Variants in CNTN1 observed in about 807,000 individuals in gnomAD.
The protein encoded by CNTN1 is contactin 1.
In CNTN1, 38 loss-of-function variants were observed where a neutral mutation model predicts 126.4. The observed-to-expected ratio is 0.30, with a 90% confidence interval of 0.23 to 0.39. The LOEUF (loss-of-function observed/expected upper bound fraction) is 0.39. CNTN1 is among the 10% of genes least tolerant of loss of function. CNTN1 has a pLI of 1.00. For synonymous variants in CNTN1, 413 were observed against 422.6 expected (o/e 0.98, Z 0.28); for missense variants, 1,009 against 1,248.4 (o/e 0.81, Z 2.89).
At chr12:40,888,607 A>C (rs1171066915) in intron 1 of CNTN1, among the ~76,000 whole-genome samples, 1 of 149,524 alleles carries the variant, frequency 6.7e-6, no homozygotes, top group Non-Finnish European at 1.5e-5. Flanking sequence ...AAATGTGATT[A>C]ACAACAACAA....
chr12:40,973,987 A>G (rs189924053), intron 15 of CNTN1, among the ~76,000 whole-genome samples: 3 of 152,278 alleles, frequency 2.0e-5, no homozygotes, highest in East Asian at 1.9e-4. Context: ...GAAAATTTAT[A>G]TATTGTTTTC....
chr12:40,731,186 G>T (rs1942490873), intron 1 of CNTN1, among the ~76,000 whole-genome samples: 1 of 151,850 alleles, frequency 6.6e-6, no homozygotes, highest in Non-Finnish European at 1.5e-5. Flanking sequence ...ACCAATCCTT[G>T]GCAAGACATA....
chr12:40,907,969 A>G (rs985156182), intron 1 of CNTN1, among the ~76,000 whole-genome samples: 6 of 152,208 alleles, frequency 3.9e-5, no homozygotes. Context: ...TGTAACCTTC[A>G]ATTAAAGTGA....
chr12:41,057,669 G>A (rs1207862123), intron 23 of CNTN1, among the ~76,000 whole-genome samples: 1 of 152,100 alleles, frequency 6.6e-6, no homozygotes, highest in Non-Finnish European at 1.5e-5. Context: ...TAAAGGTAGA[G>A]AGGTATGATT....
intron 1 of CNTN1, among the ~76,000 whole-genome samples, chr12:40,703,913 C>T (rs575267967): frequency 3.6e-4 from 54 of 152,076 alleles, no homozygotes; most frequent in African/African-American, 1.2e-3. Context: ...GTCTTCTAAA[C>T]TAAGTGTGTA....
chr12:40,904,008 C>CT (rs1944707758), intron 1 of CNTN1, among the ~76,000 whole-genome samples: 1 of 152,128 alleles, frequency 6.6e-6, no homozygotes, highest in Admixed American at 6.5e-5. Flanking sequence ...TTCTTTCCTT[C>CT]TTTCTTTCTC....
At chr12:40,820,077 C>T (rs1232409397) in intron 1 of CNTN1, among the ~76,000 whole-genome samples, 1 of 152,172 alleles carries the variant, frequency 6.6e-6, no homozygotes, top group Non-Finnish European at 1.5e-5. Flanking sequence ...AGAAGCATGG[C>T]ACTAGCAGCT....
intron 15 of CNTN1, among the ~76,000 whole-genome samples, chr12:40,965,422 A>G (rs1947270497): frequency 1.3e-5 from 2 of 152,216 alleles, no homozygotes; most frequent in South Asian, 2.1e-4. Context: ...CAGAAAGATT[A>G]TCAAGTCTAT....
chr12:40,697,180 T>C (rs1263612153), intron 1 of CNTN1, among the ~76,000 whole-genome samples: 1 of 152,210 alleles, frequency 6.6e-6, no homozygotes, highest in Non-Finnish European at 1.5e-5. Context: ...CTCATAACAC[T>C]TACTGCCAAA....
At chr12:40,711,645 G>T (rs1941915504) in intron 1 of CNTN1, among the ~76,000 whole-genome samples, 1 of 151,866 alleles carries the variant, frequency 6.6e-6, no homozygotes, top group Admixed American at 6.6e-5. Context: ...CTTCTCTTTT[G>T]TAGCCAAATT....
At chr12:40,884,658 T>C (rs1943971389) in intron 1 of CNTN1, among the ~76,000 whole-genome samples, 1 of 151,530 alleles carries the variant, frequency 6.6e-6, no homozygotes, top group Non-Finnish European at 1.5e-5. Flanking sequence ...ATAAAATATA[T>C]ATACAGCATT....
rs375689985 is a variant in CNTN1 at position 41,014,206 on chromosome 12, T to C, written c.2114-22T>C. The C allele has an allele frequency of 3.1e-6, 5 of 1,612,418 alleles. No homozygotes were observed. The African/African-American group carries it at 4.0e-5, about 13-fold the overall frequency. ...GCCCTCTTTTTGTTGTTGTTTTGCA[T>C]ATATTTGTTTGTTTGTTTCAGCACC... On this transcript the variant is annotated intron_variant, in intron 17 of 23. Transcript: ENST00000551295.
chr12:40,703,515 T>C (rs1196651254), intron 1 of CNTN1, among the ~76,000 whole-genome samples: 1 of 152,210 alleles, frequency 6.6e-6, no homozygotes, highest in African/African-American at 2.4e-5. Flanking sequence ...TCCGAAGTCA[T>C]GAAAATAGAT....
chr12:40,829,921 C>T (rs1476059768), intron 1 of CNTN1, among the ~76,000 whole-genome samples: 1 of 152,104 alleles, frequency 6.6e-6, no homozygotes, highest in Non-Finnish European at 1.5e-5. Flanking sequence ...CCTAATGACA[C>T]ACACTAAATT....
chr12:40,933,738 T>C lies in CNTN1; in HGVS notation c.845T>C (p.Met282Thr). Residue 282 changes from methionine to threonine, a missense_variant, in exon 9 of 24, where the codon ATG becomes ACG. By Grantham distance (81) the Met-to-Thr change is moderately conservative. Transcript: ENST00000551295. ...CGATGGCGGAAGGTTCTAGAACCAA[T>C]GCCAAGCACTGCTGAGATTAGCACC... ...DIRWRKVLEP[M>T]PSTAEISTSG... 1.9e-6 allele frequency: 3 copies of C among 1,612,926 alleles called. No individual in the cohort carries two copies. Among genetic ancestry groups the C allele is most frequent in the Non-Finnish European group, 1.7e-6 (2 of 1,179,204 alleles).
chr12:40,946,771 G>A (rs570659522), intron 14 of CNTN1, among the ~76,000 whole-genome samples: 1 of 152,076 alleles, frequency 6.6e-6, no homozygotes, highest in South Asian at 2.1e-4. Flanking sequence ...CAATAATTAA[G>A]TATGCACTGA....
chr12:40,942,317 G>A (rs1296572353), intron 12 of CNTN1, among the ~76,000 whole-genome samples: 1 of 152,080 alleles, frequency 6.6e-6, no homozygotes, highest in East Asian at 1.9e-4. Context: ...AGAGGAAGCT[G>A]GTGGAGGCTT....
At chr12:40,985,385 G>A (rs1947932071) in intron 16 of CNTN1, among the ~76,000 whole-genome samples, 1 of 151,856 alleles carries the variant, frequency 6.6e-6, no homozygotes, top group African/African-American at 2.4e-5. Context: ...GAAACTTATA[G>A]CATTTCAAAT....
chr12:40,862,971 C>T (rs1399825819), intron 1 of CNTN1, among the ~76,000 whole-genome samples: 1 of 152,088 alleles, frequency 6.6e-6, no homozygotes, highest in Non-Finnish European at 1.5e-5. Context: ...CTTTTCTCTA[C>T]CTTATTAAAT....
Sources: allele counts gnomAD v4.1 joint callset (sites outside exome capture counted in the v4.1 genomes callset), GRCh38; gene constraint gnomAD v4.1.1; transcripts MANE v1.5; gene names NCBI Gene and HGNC (gene_info 2026-07-23, HGNC 2026-07-21).